Variants in ASB16 observed in about 807,000 individuals in gnomAD.
ASB16 encodes the protein ankyrin repeat and SOCS box containing 16.
Under a neutral mutation model 39.1 loss-of-function variants are expected in ASB16, and 44 were observed. That is an observed-to-expected ratio of 1.13 (90% CI 0.88 to 1.45). The LOEUF is 1.45. Ranked by LOEUF, ASB16 falls within the 40% of genes most tolerant of loss-of-function variation. The pLI, the probability that ASB16 is intolerant of heterozygous loss-of-function variation, is 0.00. For missense variants in ASB16, 698 were observed against 634.5 expected, an observed-to-expected ratio of 1.10 and a Z score of -1.07; for synonymous variants, 305 against 286.7, an observed-to-expected ratio of 1.06 and a Z score of -0.64.
intron 2 of ASB16, 51 bp from the exon 3 acceptor site, chr17:44,176,687 G>A (rs745783423): frequency 6.2e-7 from 1 of 1,613,512 alleles, no homozygotes; most frequent in East Asian, 2.2e-5. Flanking sequence ...CAAGCTGAAG[G>A]GGTCCCAAGC....
At chr17:44,174,986 C>G (rs965112007) in intron 2 of ASB16, among the ~76,000 whole-genome samples, 1 of 151,538 alleles carries the variant, frequency 6.6e-6, no homozygotes, top group Non-Finnish European at 1.5e-5. Flanking sequence ...CCTGCAGTCC[C>G]AGCTACTCAG....
chr17:44,176,767 C>A lies in ASB16; in HGVS notation c.599C>A (p.Ala200Glu), dbSNP rs1234743136. The A allele has an allele frequency of 1.2e-6, 2 of 1,613,824 alleles. No homozygotes were observed. The highest frequency in any genetic ancestry group is 1.7e-5 in the Admixed American group (1 of 60,032). ...QCAKLLLEAG[A>E]TVNLAAGESQ... ...GCCAAGTTGCTGCTGGAAGCAGGAGCGACGGTGAACCTGGCAGCAGGCGAG... is the reference window on the plus strand; with the variant it reads ...GCCAAGTTGCTGCTGGAAGCAGGAGAGACGGTGAACCTGGCAGCAGGCGAG... Residue 200 changes from alanine to glutamate, a missense_variant, in exon 3 of 5, where the codon GCG becomes GAG. By Grantham distance (107) the Ala-to-Glu change is moderately radical (BLOSUM62 -1). Coordinates refer to ENST00000293414, the MANE Select transcript of ASB16 (RefSeq NM_080863.5).
At chr17:44,175,649 T>C (rs2054282192) in intron 2 of ASB16, among the ~76,000 whole-genome samples, 1 of 152,128 alleles carries the variant, frequency 6.6e-6, no homozygotes, top group Non-Finnish European at 1.5e-5. Context: ...CAGCTGCCGT[T>C]CTGGCTTTTT....
At chr17:44,177,481 A>G in intron 3 of ASB16, 128 bp from the exon 4 acceptor site, 1 of 1,300,324 alleles carries the variant, frequency 7.7e-7, no homozygotes, top group Non-Finnish European at 1.0e-6. Flanking sequence ...AGAGGCACAA[A>G]AAAGGGAAGA....
In ASB16 at chr17:44,178,695, C is replaced by T. The variant is rs553500278; in HGVS notation, c.*305C>T. ...CCATGTTGGCCAGGCTGGTCTCACA[C>T]TGACCTCAGGTGATCCACCCGCCTT... is the stretch of plus-strand genomic sequence containing the variant. On this transcript the variant is annotated 3_prime_UTR_variant, in exon 5 of 5. Coordinates refer to ENST00000293414, the MANE Select transcript of ASB16 (RefSeq NM_080863.5). The T allele has an allele frequency of 1.8e-4, 72 of 390,048 alleles. 1 individual carries two copies. The highest frequency in any genetic ancestry group is 1.8e-3 in the South Asian group (71 of 38,574). The allele number at this position is 390,048 out of a possible 1,614,324, so 24.2% of individuals were successfully genotyped here. A position where few individuals can be genotyped will look rare whatever the true frequency, so the allele number is the denominator to read the frequency against.
Position 44,177,152 on chromosome 17 carries a change from C to T in ASB16, c.984C>T (p.Val328=). 1.3e-6 allele frequency: 2 copies of T among 1,522,578 alleles called. No homozygotes were observed. Among genetic ancestry groups the T allele is most frequent in the Non-Finnish European group, 8.8e-7 (1 of 1,137,590 alleles). 94.3% of individuals were successfully genotyped at this position (1,522,578 alleles called of 1,614,324 possible). The change falls in exon 3 of 5, where the codon GTC becomes GTT. Residue 328 remains valine, a synonymous_variant. Coordinates refer to ENST00000293414, the MANE Select transcript of ASB16 (RefSeq NM_080863.5). ...CCATGGACTGTGCGCTGCAGGCCGTCCAGGACTCCCCCAACTGGGAGCCTG... is the reference window on the plus strand; with the variant it reads ...CCATGGACTGTGCGCTGCAGGCCGTTCAGGACTCCCCCAACTGGGAGCCTG... ...HTPMDCALQA[V]QDSPNWEPEV...
Position 44,170,827 on chromosome 17 carries a change from T to G in ASB16, c.38T>G (p.Leu13Arg), listed in dbSNP as rs1416068280. The change falls in exon 1 of 5, where the codon CTG (leucine) becomes CGG (arginine). Residue 13 changes from leucine (L) to arginine (R), a missense_variant. Leu to Arg is a moderately radical substitution (Grantham distance 102). Coordinates refer to ENST00000293414, the MANE Select transcript of ASB16 (RefSeq NM_080863.5). Reference protein sequence around the residue: ...RETFPFTSSMLRSLRLQQEWL... With the variant: ...RETFPFTSSMRRSLRLQQEWL... ...ACCTTCCCCTTCACCTCCTCCATGC[T>G]GCGCTCTCTCCGCCTGCAGCAGGAG... The G allele has an allele frequency of 6.2e-7, 1 of 1,610,928 alleles. No homozygotes were observed.
At chr17:44,173,030 G>A (rs1437495347) in intron 2 of ASB16, among the ~76,000 whole-genome samples, 1 of 149,296 alleles carries the variant, frequency 6.7e-6, no homozygotes. Flanking sequence ...AACCCGGGAG[G>A]CAGAGGTTGC....
intron 1 of ASB16, 125 bp from the exon 2 acceptor site, chr17:44,171,921 G>A: frequency 1.0e-6 from 1 of 970,278 alleles, no homozygotes; most frequent in Non-Finnish European, 1.5e-6. Flanking sequence ...CAGCCTGGCA[G>A]TGTTTGTGCT....
chr17:44,173,875 AG>A (rs1416965298), intron 2 of ASB16, among the ~76,000 whole-genome samples: 3 of 151,764 alleles, frequency 2.0e-5, no homozygotes, highest in Non-Finnish European at 4.4e-5. Context: ...ACACAGGGCT[AG>A]ATTTTTTTTT....
At chr17:44,176,597 C>T (rs2054292993) in intron 2 of ASB16, 141 bp from the exon 3 acceptor site, 21 of 1,207,470 alleles carry the variant, frequency 1.7e-5, no homozygotes, top group Non-Finnish European at 2.5e-5. Flanking sequence ...TTGTCTGTAG[C>T]GGGGCTTGTA....
chr17:44,171,512 A>G (rs989533311), intron 1 of ASB16, among the ~76,000 whole-genome samples: 55 of 149,774 alleles, frequency 3.7e-4, no homozygotes, highest in African/African-American at 1.3e-3. Context: ...GCAGTGAGCC[A>G]AGATAGCGCC....
In ASB16 at chr17:44,178,341, C is replaced by G. The variant is rs1293724098; in HGVS notation, c.1313C>G (p.Pro438Arg). The G allele has an allele frequency of 1.2e-6, 2 of 1,611,356 alleles. No individual in the cohort carries two copies. Among genetic ancestry groups the G allele is most frequent in the Non-Finnish European group, 1.7e-6 (2 of 1,178,972 alleles). The change falls in exon 5 of 5, where the codon CCG becomes CGG. Residue 438 changes from proline to arginine, a missense_variant. Physicochemically the swap from Pro to Arg is moderately radical, Grantham distance 103. Coordinates refer to ENST00000293414, the MANE Select transcript of ASB16 (RefSeq NM_080863.5). ...GGTGCCACCCGGCTGCCACTGCCCCCGCTCCTCAGGGACTACCTGCTGCTG... is the reference window on the plus strand; with the variant it reads ...GGTGCCACCCGGCTGCCACTGCCCCGGCTCCTCAGGGACTACCTGCTGCTG... ...RQGATRLPLP[P>R]LLRDYLLLRV...
At chr17:44,178,042 C>A in intron 4 of ASB16, 163 bp from the exon 5 acceptor site, 1 of 755,360 alleles carries the variant, frequency 1.3e-6, no homozygotes, top group Non-Finnish European at 2.1e-6. Context: ...GAGCCCCAGC[C>A]CGCATTATCA....
At position 44,178,444 on chromosome 17, in the gene ASB16, C is replaced by T; in HGVS notation, c.*54C>T. On this transcript the variant is annotated 3_prime_UTR_variant, in exon 5 of 5. Coordinates refer to ENST00000293414, the MANE Select transcript of ASB16 (RefSeq NM_080863.5). ...TTCTGCCCCTCCCACCTGTCCCCGC[C>T]TCCAACTGCGGAGGACCAGTTCCTG... 2 of 1,493,122 alleles carry T rather than the reference C, an allele frequency of 1.3e-6. No individual in the cohort carries two copies. Among genetic ancestry groups the T allele is most frequent in the Non-Finnish European group, 9.0e-7 (1 of 1,109,352 alleles). The allele number at this position is 1,493,122 out of a possible 1,614,324, so 92.5% of individuals were successfully genotyped here. A position where few individuals can be genotyped will look rare whatever the true frequency, so the allele number is the denominator to read the frequency against.
chr17:44,174,432 G>T (rs1277890157), intron 2 of ASB16, among the ~76,000 whole-genome samples: 1 of 152,030 alleles, frequency 6.6e-6, no homozygotes, highest in Non-Finnish European at 1.5e-5. Context: ...CCTGAGCTCA[G>T]GCAATCCTCC....
Position 44,172,272 on chromosome 17 carries a change from C to A in ASB16, c.528C>A (p.Gly176=), listed in dbSNP as rs767900757. ...AGGCTAATGTGCTGACTGAGGAGGG[C>A]ACGACTCCTTTGCACCTCTGCACGA... ...GAKANVLTEE[G]TTPLHLCTIP... is the part of the protein sequence containing the mutation. Residue 176 remains glycine (G), a synonymous_variant, in exon 2 of 5, where the codon GGC becomes GGA. Coordinates refer to ENST00000293414, the MANE Select transcript of ASB16 (RefSeq NM_080863.5). The A allele has an allele frequency of 5.6e-6, 9 of 1,613,564 alleles. No individual in the cohort carries two copies. The highest frequency in any genetic ancestry group is 7.6e-6 in the Non-Finnish European group (9 of 1,180,044).
chr17:44,174,125 C>T (rs377370473), intron 2 of ASB16, among the ~76,000 whole-genome samples: 8 of 151,070 alleles, frequency 5.3e-5, no homozygotes, highest in African/African-American at 1.7e-4. Context: ...CTGCAAGCTC[C>T]GCCTCCCGGG....
In ASB16 at chr17:44,170,993, C is replaced by CA; in HGVS notation, c.206dup (p.Asn69LysfsTer12). The CA allele has an allele frequency of 6.2e-7, 1 of 1,613,998 alleles. No homozygotes were observed. On this transcript the variant is annotated frameshift_variant, in exon 1 of 5. Coordinates refer to ENST00000293414, the MANE Select transcript of ASB16 (RefSeq NM_080863.5). LOFTEE classifies it high-confidence loss of function. ...CTGTCCACCAAGCCCTCTTCTCCGG[C>CA]AACCTGCAGCAGGTCCAAGCCCTGT...
Sources: gnomAD v4.1 joint callset for allele counts (sites outside exome capture counted in the v4.1 genomes callset) on GRCh38, gnomAD v4.1.1 for gene constraint, MANE v1.5 for transcripts, NCBI Gene and HGNC (gene_info 2026-07-23, HGNC 2026-07-21) for gene names.